TTN: variants seen among roughly 807,000 people sequenced by gnomAD.
TTN encodes titin.
In TTN, 1,525 loss-of-function variants were observed where a neutral mutation model predicts 3,223.0. The ratio of observed to expected loss-of-function variants is 0.47; its 90% CI spans 0.45 to 0.49. The LOEUF is 0.49. Ranked by LOEUF, TTN falls within the 20% of genes least tolerant of loss-of-function variation. The pLI is 0.00. For synonymous variants in TTN, 14,094 were observed against 15,161.0 expected (o/e 0.93, Z 5.17); for missense variants, 40,786 against 43,424.0 (o/e 0.94, Z 5.40).
At chr2:178,747,968 T>A in intron 47 of TTN, 1 of 1,613,060 alleles carries the variant, frequency 6.2e-7, no homozygotes, top group Non-Finnish European at 8.5e-7. Flanking sequence ...ACCTCTGTGG[T>A]CTTCCAAAGT....
At chr2:178,641,218 C>G in intron 220 of TTN, 23 bp downstream of exon 220, 1 of 1,448,526 alleles carries the variant, frequency 6.9e-7, no homozygotes, top group Non-Finnish European at 9.3e-7. Context: ...GATAATCTTA[C>G]AAATTGTCAC....
chr2:178,688,831 C>A, intron 125 of TTN, 53 bp from the exon 126 acceptor site: 1 of 1,443,150 alleles, frequency 6.9e-7, no homozygotes, highest in East Asian at 2.3e-5. Flanking sequence ...TAACAATTCT[C>A]ACTTTCTAGA....
rs1159073950 is a variant in TTN at position 178,784,467 on chromosome 2, G to A, written c.2494-116C>T. On this transcript the variant is annotated intron_variant, in intron 15 of 362. Coordinates refer to ENST00000589042, the MANE Select transcript of TTN (RefSeq NM_001267550.2). Reference sequence around the variant, plus strand: ...GGTCTGTTCTTTAATGTTCTCATTAGCACTCATTATCACACAGTTAATGAA... The same window carrying A: ...GGTCTGTTCTTTAATGTTCTCATTAACACTCATTATCACACAGTTAATGAA... The A allele has an allele frequency of 2.4e-6, 3 of 1,249,994 alleles. No homozygotes were observed. In the African/African-American group the frequency reaches 4.5e-5, roughly 19 times the overall value. 77.4% of individuals were successfully genotyped at this position (1,249,994 alleles called of 1,614,324 possible). A position where few individuals can be genotyped will look rare whatever the true frequency, so the allele number is the denominator to read the frequency against.
chr2:178,793,116 C>G, intron 9 of TTN, among the ~76,000 whole-genome samples: 1 of 152,190 alleles, frequency 6.6e-6, no homozygotes, highest in African/African-American at 2.4e-5. Flanking sequence ...CTGTCCTCTC[C>G]CTATAGTCTT....
Position 178,740,765 on chromosome 2 carries a change from C to T in TTN, c.12468G>A (p.Gln4156=), listed in dbSNP as rs2154318365. ...PSPNLQLQIV[Q]SQKTFSKEGI... ...CTTCTTTGGAGAAGGTTTTCTGGGA[C>T]TGTACAATCTGCAGCTGTAGGTTGG... Residue 4156 remains glutamine (Q), a synonymous_variant, in exon 48 of 363, where the codon CAG becomes CAA. Transcript: ENST00000589042. 5.6e-6 allele frequency: 9 copies of T among 1,613,566 alleles called. No homozygotes were observed. The highest frequency in any genetic ancestry group is 2.2e-5 in the East Asian group (1 of 44,838).
intron 213 of TTN, among the ~76,000 whole-genome samples, chr2:178,648,809 C>T (rs543413776): frequency 2.0e-4 from 31 of 152,232 alleles, no homozygotes; most frequent in Middle Eastern, 6.8e-3. Context: ...CTTTTCTTGC[C>T]GTGTGTTTCT....
intron 16 of TTN, 66 bp from the exon 17 acceptor site, chr2:178,783,851 C>T (rs2092974281): frequency 1.5e-6 from 2 of 1,294,300 alleles, no homozygotes; most frequent in Admixed American, 1.8e-5. Flanking sequence ...AAACTCTTAG[C>T]TCATGCAACA....
At chr2:178,537,321 C>G (rs989920373) in intron 355 of TTN, 21 bp downstream of exon 355, 11 of 1,521,980 alleles carry the variant, frequency 7.2e-6, no homozygotes, top group Non-Finnish European at 9.7e-6. Flanking sequence ...ATAAAAAGCA[C>G]TGAAAATAAA....
In TTN at chr2:178,731,032, G is replaced by A; in HGVS notation, c.17633C>T (p.Ser5878Leu). Residue 5878 changes from serine (S) to leucine (L), a missense_variant, in exon 60 of 363, where the codon TCA (serine) becomes TTA (leucine). Physicochemically the swap from Ser to Leu is moderately radical, Grantham distance 145. Coordinates refer to ENST00000589042, the MANE Select transcript of TTN (RefSeq NM_001267550.2). ...TTCTGTAGAAATAATCTTCAGTATT[G>A]AGACTGTATCAGTGACACTGATTTT... is the stretch of plus-strand genomic sequence containing the variant. ...KYKISVTDTV[S>L]ILKIISTEKK... 1 of 1,613,578 alleles carries A rather than the reference G, an allele frequency of 6.2e-7. No homozygotes were observed. Among genetic ancestry groups the A allele is most frequent in the East Asian group, 2.2e-5 (1 of 44,840 alleles).
chr2:178,684,183 A>T, intron 132 of TTN, 101 bp from the exon 133 acceptor site: 1 of 1,408,692 alleles, frequency 7.1e-7, no homozygotes, highest in Non-Finnish European at 9.8e-7. Context: ...TGACATTTTC[A>T]TTATTTCAAA....
In TTN at chr2:178,547,537, G is replaced by A; in HGVS notation, c.94089C>T (p.Val31363=). The change falls in exon 339 of 363, where the codon GTC becomes GTT. Residue 31363 remains valine (V), a synonymous_variant. Coordinates refer to ENST00000589042, the MANE Select transcript of TTN (RefSeq NM_001267550.2). ...TTAWQLVNSS[V]KRTQIKVTHL... Reference sequence around the variant, plus strand: ...GAGTGACTTTAATTTGAGTGCGCTTGACACTGGAATTGACAAGCTGCCAAG... The same window carrying A: ...GAGTGACTTTAATTTGAGTGCGCTTAACACTGGAATTGACAAGCTGCCAAG... 6.2e-7 allele frequency: 1 copy of A among 1,613,788 alleles called. No individual in the cohort carries two copies. The highest frequency in any genetic ancestry group is 2.2e-5 in the East Asian group (1 of 44,828).
intron 47 of TTN, chr2:178,748,983 G>C: frequency 6.2e-7 from 1 of 1,612,258 alleles, no homozygotes; most frequent in Non-Finnish European, 8.5e-7. Flanking sequence ...CTTTTTTCTA[G>C]AACTCCTTTT....
At position 178,567,767 on chromosome 2, in the gene TTN, C is replaced by T. The variant is rs771589854; in HGVS notation, c.78365G>A (p.Gly26122Asp). The part of the protein sequence containing the change: ...PVYDGGSMIT[G>D]YIVEKRDLPD... ...CAAATCACGTTTCTCTACAATGTAG[C>T]CTGTAATCATACTTCCACCATCATA... The change falls in exon 326 of 363, where the codon GGC (glycine) becomes GAC (aspartate). Residue 26122 changes from glycine (G) to aspartate (D), a missense_variant. Gly to Asp is a moderately conservative substitution (Grantham distance 94, BLOSUM62 -1). Coordinates refer to ENST00000589042, the MANE Select transcript of TTN (RefSeq NM_001267550.2). The T allele has an allele frequency of 1.9e-6, 3 of 1,613,362 alleles. No individual in the cohort carries two copies. The highest frequency in any genetic ancestry group is 2.2e-5 in the South Asian group (2 of 91,068).
At position 178,646,524 on chromosome 2, in the gene TTN, G is replaced by T; in HGVS notation, c.40258C>A (p.Pro13420Thr). 1 of 1,547,730 alleles carries T rather than the reference G, an allele frequency of 6.5e-7. No individual in the cohort carries two copies. Among genetic ancestry groups the T allele is most frequent in the Non-Finnish European group, 8.7e-7 (1 of 1,145,116 alleles). ...EIEKYIKPEE[P>T]EPEPQPEEIP... Reference sequence around the variant, plus strand: ...TCTTCAGGCTGTGGTTCAGGTTCGGGCTCTTCAGGTTTAATATACTTTTCA... The same window carrying T: ...TCTTCAGGCTGTGGTTCAGGTTCGGTCTCTTCAGGTTTAATATACTTTTCA... The change falls in exon 216 of 363, where the codon CCC becomes ACC. Residue 13420 changes from proline to threonine, a missense_variant. By Grantham distance (38) the Pro-to-Thr change is conservative. Coordinates refer to ENST00000589042, the MANE Select transcript of TTN (RefSeq NM_001267550.2).
intron 337 of TTN, 49 bp from the exon 338 acceptor site, chr2:178,549,918 A>C: frequency 6.5e-7 from 1 of 1,541,322 alleles, no homozygotes; most frequent in Non-Finnish European, 8.7e-7. Flanking sequence ...TGTCCATTAA[A>C]ATACAACTAG....
At position 178,566,758 on chromosome 2, in the gene TTN, T is replaced by G. The variant is rs1162274016; in HGVS notation, c.79374A>C (p.Glu26458Asp). ...VTGLTEDHEY[E>D]FRVSAENAAG... ...CAGCATTTTCTGCAGAGACCCTGAATTCATACTCATGATCTTCTGTTAATC... is the reference window on the plus strand; with the variant it reads ...CAGCATTTTCTGCAGAGACCCTGAAGTCATACTCATGATCTTCTGTTAATC... The change falls in exon 326 of 363, where the codon GAA (glutamate) becomes GAC (aspartate). Residue 26458 changes from glutamate (E) to aspartate (D), a missense_variant. By Grantham distance (45) the Glu-to-Asp change is conservative (BLOSUM62 2). Transcript: ENST00000589042. 6.2e-7 allele frequency: 1 copy of G among 1,613,432 alleles called. No individual in the cohort carries two copies. Among genetic ancestry groups the G allele is most frequent in the East Asian group, 2.2e-5 (1 of 44,816 alleles).
Position 178,565,374 on chromosome 2 carries a change from G to C in TTN, c.80758C>G (p.Leu26920Val), listed in dbSNP as rs368431158. Residue 26920 changes from leucine (L) to valine (V), a missense_variant, in exon 326 of 363, where the codon CTT becomes GTT. Physicochemically the swap from Leu to Val is conservative, Grantham distance 32. Transcript: ENST00000589042. ...ACGTTTACTCTTGTTGTCTGTTTAA[G>C]AGGCTCACCATCTTTGACCCAAGAA... ...NISWVKDGEP[L>V]KQTTRVNVEE... The C allele has an allele frequency of 3.1e-6, 5 of 1,613,598 alleles. No homozygotes were observed. The highest frequency in any genetic ancestry group is 4.2e-6 in the Non-Finnish European group (5 of 1,179,662).
In TTN at chr2:178,581,574, C is replaced by G; in HGVS notation, c.66694G>C (p.Val22232Leu). The G allele has an allele frequency of 6.2e-7, 1 of 1,612,688 alleles. No homozygotes were observed. Among genetic ancestry groups the G allele is most frequent in the Non-Finnish European group, 8.5e-7 (1 of 1,179,164 alleles). ...LMEDTQYQFRVYAVNKIGYSD... is the reference protein window; with the variant it reads ...LMEDTQYQFRLYAVNKIGYSD... ...TATCCAATCTTATTAACGGCATACA[C>G]ACGGAATTGATATTGTGTGTCTTCC... Residue 22232 changes from valine (V) to leucine (L), a missense_variant, in exon 316 of 363, where the codon GTG (valine) becomes CTG (leucine). Coordinates refer to ENST00000589042, the MANE Select transcript of TTN (RefSeq NM_001267550.2).
In TTN at chr2:178,539,833, A is replaced by G; in HGVS notation, c.98232T>C (p.Asp32744=). Residue 32744 remains aspartate, a synonymous_variant, in exon 352 of 363, where the codon GAT becomes GAC. Coordinates refer to ENST00000589042, the MANE Select transcript of TTN (RefSeq NM_001267550.2). The part of the protein sequence containing the change: ...PICKWTKEGQ[D]ISKRAMIATS... ...TTGCAATCATGGCACGCTTACTAAT[A>G]TCCTGGCCTTCCTTGGTCCATTTAC... is the stretch of plus-strand genomic sequence containing the variant. The G allele has an allele frequency of 1.9e-6, 3 of 1,613,730 alleles. No homozygotes were observed. Among genetic ancestry groups the G allele is most frequent in the Non-Finnish European group, 2.5e-6 (3 of 1,179,752 alleles).
Sources: gnomAD v4.1 joint callset for allele counts (sites outside exome capture counted in the v4.1 genomes callset) on GRCh38, gnomAD v4.1.1 for gene constraint, MANE v1.5 for transcripts, NCBI Gene and HGNC (gene_info 2026-07-23, HGNC 2026-07-21) for gene names.